Variants in SLC9A8 observed in about 807,000 individuals in gnomAD.
SLC9A8 encodes the protein solute carrier family 9 member A8, also known as sodium/hydrogen exchanger 8.
Under a neutral mutation model 66.6 loss-of-function variants are expected in SLC9A8, and 48 were observed. The ratio of observed to expected loss-of-function variants is 0.72; its 90% confidence interval spans 0.57 to 0.92. The LOEUF is 0.92. Among genes scored for constraint, SLC9A8 ranks in the 40% least tolerant of loss-of-function variants. The pLI is 0.00. For missense variants in SLC9A8, 599 were observed against 747.3 expected (o/e 0.80, Z 2.31); for synonymous variants, 274 against 282.6 (o/e 0.97, Z 0.31).
chr20:49,879,693 C>T (rs1473890517), intron 12 of SLC9A8, among the ~76,000 whole-genome samples: 1 of 151,682 alleles, frequency 6.6e-6, no homozygotes. Flanking sequence ...GGCATGGTAG[C>T]ACACGCCTGT....
chr20:49,860,613 T>C (rs999461833), intron 8 of SLC9A8, among the ~76,000 whole-genome samples: 1 of 152,028 alleles, frequency 6.6e-6, no homozygotes, highest in African/African-American at 2.4e-5. Flanking sequence ...CCCAGCTACT[T>C]GGGAGGCTGA....
chr20:49,841,239 C>T (rs1288370244), intron 4 of SLC9A8, among the ~76,000 whole-genome samples: 1 of 150,874 alleles, frequency 6.6e-6, no homozygotes, highest in African/African-American at 2.4e-5. Flanking sequence ...CCAGGAGGAT[C>T]GCTTGAGGCT....
chr20:49,842,230 C>T (rs751637403), intron 4 of SLC9A8, among the ~76,000 whole-genome samples: 20 of 150,664 alleles, frequency 1.3e-4, no homozygotes, highest in Non-Finnish European at 2.5e-4. Context: ...CCACCACGCC[C>T]GGCTAATTTT....
chr20:49,843,844 G>T (rs746712500), intron 4 of SLC9A8, among the ~76,000 whole-genome samples: 10 of 152,138 alleles, frequency 6.6e-5, no homozygotes, highest in Admixed American at 2.0e-4. Flanking sequence ...CATGGGGGTG[G>T]ACCCTCATGG....
intron 1 of SLC9A8, among the ~76,000 whole-genome samples, chr20:49,814,075 G>C (rs2086459284): frequency 6.6e-6 from 1 of 152,108 alleles, no homozygotes; most frequent in African/African-American, 2.4e-5. Context: ...TATATTTCTT[G>C]GCCATGTGGG....
At chr20:49,827,260 G>A (rs978728887) in intron 3 of SLC9A8, among the ~76,000 whole-genome samples, 12 of 150,654 alleles carry the variant, frequency 8.0e-5, no homozygotes, top group African/African-American at 2.9e-4. Context: ...TTTTTTTACT[G>A]GCTGTGTAAT....
chr20:49,886,856 C>T lies in SLC9A8; in HGVS notation c.1596C>T (p.Ala532=). 6.2e-7 allele frequency: 1 copy of T among 1,614,178 alleles called. No individual in the cohort carries two copies. The highest frequency in any genetic ancestry group is 1.3e-5 in the African/African-American group (1 of 75,048). Residue 532 remains alanine, a synonymous_variant, in exon 15 of 16, where the codon GCC becomes GCT. Coordinates refer to ENST00000361573, the MANE Select transcript of SLC9A8 (RefSeq NM_015266.3). The surrounding 1 kb of genome is among the most constrained non-coding windows in gnomAD (Gnocchi z 4.8). ...TTAAGGGCTTCGTGTGGCTGGACGC[C>T]AAGTACCTGAACCCCTTCTTCACTC... ...QDLKGFVWLD[A]KYLNPFFTRR... is the part of the protein sequence containing the mutation.
chr20:49,843,204 G>A (rs1056854291), intron 4 of SLC9A8, among the ~76,000 whole-genome samples: 2 of 151,852 alleles, frequency 1.3e-5, no homozygotes, highest in African/African-American at 2.4e-5. Flanking sequence ...GGTGGGGGGG[G>A]CTAGTTTTTA....
At chr20:49,866,402 A>T (rs1285038071) in intron 10 of SLC9A8, among the ~76,000 whole-genome samples, 1 of 152,230 alleles carries the variant, frequency 6.6e-6, no homozygotes, top group Non-Finnish European at 1.5e-5. Flanking sequence ...CTGCTAGGTC[A>T]TATGGTAAGT....
chr20:49,814,932 T>C (rs1215024753), intron 1 of SLC9A8, 76 bp from the exon 2 acceptor site: 2 of 1,214,562 alleles, frequency 1.6e-6, no homozygotes, highest in Middle Eastern at 2.2e-4. Context: ...ACAGCTTCTC[T>C]TTCTGGTGTG....
At chr20:49,863,337 A>G (rs2088826865) in intron 9 of SLC9A8, among the ~76,000 whole-genome samples, 1 of 152,230 alleles carries the variant, frequency 6.6e-6, no homozygotes, top group Admixed American at 6.5e-5. Context: ...CAGTTCCCAG[A>G]GTATGATAAC....
chr20:49,877,126 G>GAAAA (rs113268405), intron 11 of SLC9A8, among the ~76,000 whole-genome samples: 1 of 112,180 alleles, frequency 8.9e-6, no homozygotes, highest in Admixed American at 9.6e-5. Context: ...TGTCTCTACT[G>GAAAA]AAAAAAAAAA....
chr20:49,852,919 G>A (rs1032052492), intron 7 of SLC9A8, among the ~76,000 whole-genome samples: 10 of 152,082 alleles, frequency 6.6e-5, no homozygotes, highest in Admixed American at 4.6e-4. Flanking sequence ...GACAGCCTCA[G>A]GAGGTCCTGA....
At chr20:49,882,263 C>T (rs1284086019) in intron 13 of SLC9A8, among the ~76,000 whole-genome samples, 1 of 152,220 alleles carries the variant, frequency 6.6e-6, no homozygotes, top group Non-Finnish European at 1.5e-5. Flanking sequence ...ACCGCCTGTC[C>T]ACGGGGCTGG....
intron 5 of SLC9A8, among the ~76,000 whole-genome samples, chr20:49,847,617 T>C (rs2088055294): frequency 6.6e-6 from 1 of 152,138 alleles, no homozygotes; most frequent in South Asian, 2.1e-4. Flanking sequence ...TATTATGATA[T>C]CTGCTAATGT....
At chr20:49,817,338 A>T (rs1373052199) in intron 2 of SLC9A8, among the ~76,000 whole-genome samples, 1 of 151,724 alleles carries the variant, frequency 6.6e-6, no homozygotes, top group Non-Finnish European at 1.5e-5. Context: ...AAAAAAACAA[A>T]AACAAATTCT....
chr20:49,872,132 C>G (rs1330904470), intron 10 of SLC9A8, among the ~76,000 whole-genome samples: 1 of 152,146 alleles, frequency 6.6e-6, no homozygotes, highest in South Asian at 2.1e-4. Context: ...AGGAAAACAA[C>G]AACAAAAACA....
At position 49,850,579 on chromosome 20, in the gene SLC9A8, C is replaced by T. The variant is rs142341298; in HGVS notation, c.535-231C>T. Among the ~76,000 whole-genome samples the T allele has an allele frequency of 2.0e-3, 304 of 152,320 alleles. 1 individual carries two copies. Among genetic ancestry groups the T allele is most frequent in the African/African-American group, 7.0e-3 (291 of 41,570 alleles). On this transcript the variant is annotated intron_variant, in intron 6 of 15. Transcript: ENST00000361573. ...AGTAAGAATAAACTTAAGGAAACTA[C>T]AGTTAATTGGGCTTGAAGAATGTAG...
intron 10 of SLC9A8, among the ~76,000 whole-genome samples, chr20:49,869,726 G>A (rs193090062): frequency 2.6e-5 from 4 of 152,038 alleles, no homozygotes; most frequent in Admixed American, 2.6e-4. Context: ...CCAGCTACTC[G>A]GCAGGCTGAG....
Sources: gnomAD v4.1 joint callset for allele counts (sites outside exome capture counted in the v4.1 genomes callset) on GRCh38, gnomAD v4.1.1 for gene constraint, Gnocchi (gnomAD v3.1) non-coding constraint, MANE v1.5 for transcripts, NCBI Gene and HGNC (gene_info 2026-07-23, HGNC 2026-07-21) for gene names.